The following RIPOR1 variants were observed in gnomAD, a reference collection of about 807,000 sequenced individuals.
RIPOR1 encodes rho family-interacting cell polarization regulator 1.
RIPOR1 carries 58 observed loss-of-function variants against 116.5 expected under a neutral mutation model. The observed-to-expected ratio is 0.50, with a 90% confidence interval of 0.40 to 0.62. The LOEUF (loss-of-function observed/expected upper bound fraction) is 0.62, where lower values mean the gene tolerates loss of function less well. RIPOR1 is among the 20% of genes least tolerant of loss of function. The pLI is 0.00. For synonymous variants in RIPOR1, 605 were observed against 650.0 expected (o/e 0.93, Z 1.05); for missense variants, 1,372 against 1,586.2 (o/e 0.86, Z 2.29).
rs1377396034 is a variant in RIPOR1 at position 67,540,449 on chromosome 16, C to T, written c.632-9C>T. 8 of 1,614,202 alleles carry T rather than the reference C, an allele frequency of 5.0e-6. No homozygotes were observed. Among genetic ancestry groups the T allele is most frequent in the Non-Finnish European group, 6.8e-6 (8 of 1,180,034 alleles). On this transcript the variant is annotated splice_polypyrimidine_tract_variant and intron_variant, in intron 8 of 21. Coordinates refer to ENST00000042381, the MANE Select transcript of RIPOR1 (RefSeq NM_024519.4). The surrounding 1 kb of genome is among the most constrained non-coding windows in gnomAD (Gnocchi z 4.7). ...GCTCACCGACTTCTCCCCTTCTCCT[C>T]CAACTCAGGGCTGGCTGGCTTCGCC...
chr16:67,522,700 G>A (rs1380348555), intron 1 of RIPOR1, among the ~76,000 whole-genome samples: 2 of 150,852 alleles, frequency 1.3e-5, no homozygotes, highest in Non-Finnish European at 3.0e-5. Context: ...TCCCTACCCC[G>A]CCCTCACCCC....
intron 1 of RIPOR1, among the ~76,000 whole-genome samples, chr16:67,523,684 CTTTT>C (rs374534111): frequency 0.12 from 17,775 of 144,890 alleles, 2,398 homozygotes; most frequent in African/African-American, 0.34. Context: ...TACCCTTAAA[CTTTT>C]TTTTTTTTTT....
chr16:67,546,413 G>A lies in RIPOR1; in HGVS notation c.3610G>A (p.Ala1204Thr), dbSNP rs746998397. ...AHRRLEESLD[A>T]LPRIFGPGSM... is the part of the protein sequence containing the mutation. ...TCGACGGCTGGAGGAGTCCCTGGAC[G>A]CCCTGCCCCGCATCTTTGGGCCTGG... The change falls in exon 22 of 22, where the codon GCC becomes ACC. Residue 1204 changes from alanine (A) to threonine (T), a missense_variant. Physicochemically the swap from Ala to Thr is moderately conservative, Grantham distance 58. Around this residue, in one of 3 missense-constraint regions of RIPOR1, gnomAD observed 1,005 missense variants for 1,144.7 expected, o/e 0.88. Coordinates refer to ENST00000042381, the MANE Select transcript of RIPOR1 (RefSeq NM_024519.4). The A allele has an allele frequency of 1.4e-5, 23 of 1,613,926 alleles. No individual in the cohort carries two copies. The highest frequency in any genetic ancestry group is 1.8e-5 in the Non-Finnish European group (21 of 1,180,042).
chr16:67,532,752 G>C (rs906555993), intron 1 of RIPOR1, among the ~76,000 whole-genome samples: 3 of 152,222 alleles, frequency 2.0e-5, no homozygotes, highest in African/African-American at 7.2e-5. Flanking sequence ...CCATAAGGCT[G>C]TTGCCAGGAT....
In RIPOR1 at chr16:67,540,505, T is replaced by A. The variant is rs75204333; in HGVS notation, c.675+4T>A. 3.1e-6 allele frequency: 5 copies of A among 1,614,044 alleles called. No homozygotes were observed. The South Asian group carries it at 4.4e-5, about 14-fold the overall frequency. Reference sequence around the variant, plus strand: ...GTGTGTAGGCGATCAGTATGAGGTATGAGAATGTGCAGGGAAGGGCTGGGT... The same window carrying A: ...GTGTGTAGGCGATCAGTATGAGGTAAGAGAATGTGCAGGGAAGGGCTGGGT... On this transcript the variant is annotated splice_donor_region_variant and intron_variant, in intron 9 of 21. Transcript: ENST00000042381. This position sits in a 1 kb window ranked among gnomAD's most constrained non-coding sequence, Gnocchi z 4.7.
intron 4 of RIPOR1, 148 bp downstream of exon 4, chr16:67,539,216 T>C (rs1014757802): frequency 5.9e-6 from 4 of 673,252 alleles, no homozygotes; most frequent in Non-Finnish European, 9.9e-6. Flanking sequence ...CTGAGGGGCT[T>C]TTCTATCCCC....
rs1597646573 is a variant in RIPOR1 at position 67,541,260 on chromosome 16, G to C, written c.802-170G>C. On this transcript the variant is annotated intron_variant, in intron 10 of 21. Transcript: ENST00000042381. This position sits in a 1 kb window ranked among gnomAD's most constrained non-coding sequence, Gnocchi z 4.6. Reference sequence around the variant, plus strand: ...TTTTTTTTTTTTTTTTTTTGAGACAGAGTCTTGCCATGTTGCCCAAGCTGG... The same window carrying C: ...TTTTTTTTTTTTTTTTTTTGAGACACAGTCTTGCCATGTTGCCCAAGCTGG... The C allele has an allele frequency of 1.9e-6, 1 of 522,720 alleles. No individual in the cohort carries two copies. Among genetic ancestry groups the C allele is most frequent in the East Asian group, 3.1e-5 (1 of 31,948 alleles). The allele number at this position is 522,720 out of a possible 1,614,324, so 32.4% of individuals were successfully genotyped here.
Position 67,542,390 on chromosome 16 carries a change from A to G in RIPOR1, c.1604A>G (p.Asp535Gly). Reference sequence around the variant, plus strand: ...CTAGACTCAGTTCATAAGTCCACAGACTCTGGCCCTTCAGAACTGCCAGGC... The same window carrying G: ...CTAGACTCAGTTCATAAGTCCACAGGCTCTGGCCCTTCAGAACTGCCAGGC... ...AHLDSVHKST[D>G]SGPSELPGPT... Residue 535 changes from aspartate to glycine, a missense_variant, in exon 13 of 22, where the codon GAC becomes GGC. By Grantham distance (94) the Asp-to-Gly change is moderately conservative (BLOSUM62 -1). Coordinates refer to ENST00000042381, the MANE Select transcript of RIPOR1 (RefSeq NM_024519.4). The surrounding 1 kb of genome is among the most constrained non-coding windows in gnomAD (Gnocchi z 4.6). The G allele has an allele frequency of 6.2e-7, 1 of 1,613,190 alleles. No individual in the cohort carries two copies. The highest frequency in any genetic ancestry group is 1.1e-5 in the South Asian group (1 of 91,034).
rs1243736030 is a variant in RIPOR1, at chr16:67,546,761, A to C, written c.*298A>C. 1 of 478,266 alleles carries C rather than the reference A, an allele frequency of 2.1e-6. No homozygotes were observed. The highest frequency in any genetic ancestry group is 2.5e-5 in the South Asian group (1 of 40,716). 29.6% of individuals were successfully genotyped at this position (478,266 alleles called of 1,614,324 possible). A position where few individuals can be genotyped will look rare whatever the true frequency, so the allele number is the denominator to read the frequency against. ...ATTTTATTTACAGAGTTTTACAGAA[A>C]ATAAAAAAGCAAAATGTCTTTCCTA... On this transcript the variant is annotated 3_prime_UTR_variant, in exon 22 of 22. Transcript: ENST00000042381.
chr16:67,538,162 C>G (rs931743248), intron 1 of RIPOR1: 10 of 382,996 alleles, frequency 2.6e-5, no homozygotes, highest in Non-Finnish European at 3.7e-5. Flanking sequence ...CGCGACCCCC[C>G]TTCCTGCCCC....
intron 4 of RIPOR1, 140 bp from the exon 5 acceptor site, chr16:67,539,588 G>A: frequency 9.8e-7 from 1 of 1,020,430 alleles, no homozygotes; most frequent in Admixed American, 1.7e-5. Flanking sequence ...AGACCAGCAG[G>A]AAGGGGCGTC....
At chr16:67,534,839 T>C (rs1039306592) in intron 1 of RIPOR1, among the ~76,000 whole-genome samples, 4 of 130,332 alleles carry the variant, frequency 3.1e-5, no homozygotes, top group Non-Finnish European at 4.9e-5. Flanking sequence ...TTTTTTCTTT[T>C]TTTTTTTTTT....
At position 67,545,650 on chromosome 16, in the gene RIPOR1, TC is replaced by T. The variant is rs774231100; in HGVS notation, c.3191-10del. ...CCACCTTGCCCACCCACCCACCATA[TC>T]CCCTTTTTTCAGTGCTACTGGTGCG... On this transcript the variant is annotated splice_polypyrimidine_tract_variant and intron_variant, in intron 18 of 21. Transcript: ENST00000042381. The surrounding 1 kb of genome is among the most constrained non-coding windows in gnomAD (Gnocchi z 4.8). 7 of 1,560,288 alleles carry T rather than the reference TC, an allele frequency of 4.5e-6. No homozygotes were observed. The highest frequency in any genetic ancestry group is 6.1e-6 in the Non-Finnish European group (7 of 1,149,992).
upstream of RIPOR1, among the ~76,000 whole-genome samples, chr16:67,526,588 A>G (rs942886448): frequency 1.3e-5 from 2 of 152,210 alleles, no homozygotes; most frequent in Admixed American, 1.3e-4. Context: ...TCATTCAACA[A>G]ATATTTCTTG....
chr16:67,540,344 G>A lies in RIPOR1; in HGVS notation c.612G>A (p.Glu204=), dbSNP rs1274597961. 4 of 1,614,184 alleles carry A rather than the reference G, an allele frequency of 2.5e-6. No individual in the cohort carries two copies. Among genetic ancestry groups the A allele is most frequent in the Non-Finnish European group, 3.4e-6 (4 of 1,180,026 alleles). ...LESELEAQLG[E]FHLRMKGLAG... ...GCGAGCTGGAGGCACAGCTGGGCGA[G>A]TTTCATCTCCGAATGAAAGGTACTG... Residue 204 remains glutamate, a synonymous_variant, in exon 8 of 22, where the codon GAG becomes GAA. Transcript: ENST00000042381. The surrounding 1 kb of genome is among the most constrained non-coding windows in gnomAD (Gnocchi z 4.7).
chr16:67,535,777 G>T (rs2050778304), intron 1 of RIPOR1, among the ~76,000 whole-genome samples: 1 of 152,192 alleles, frequency 6.6e-6, no homozygotes. Flanking sequence ...CCAAAGGCAG[G>T]TGATAAGGCT....
chr16:67,520,011 G>A (rs2050480539), intron 1 of RIPOR1, among the ~76,000 whole-genome samples: 4 of 144,252 alleles, frequency 2.8e-5, no homozygotes, highest in South Asian at 4.6e-4. Context: ...GCAGTGAGCC[G>A]AGATGGCGCC....
Position 67,540,011 on chromosome 16 carries a change from T to C in RIPOR1, c.415-42T>C. ...CCTTAGAGGTGAGTAACCCCAGAGG[T>C]GAGTCTCAGTCCCCCTACTGTCACC... is the stretch of plus-strand genomic sequence containing the variant. On this transcript the variant is annotated intron_variant, in intron 6 of 21. Coordinates refer to ENST00000042381, the MANE Select transcript of RIPOR1 (RefSeq NM_024519.4). This position sits in a 1 kb window ranked among gnomAD's most constrained non-coding sequence, Gnocchi z 4.7. The C allele has an allele frequency of 6.2e-7, 1 of 1,613,414 alleles. No individual in the cohort carries two copies. The highest frequency in any genetic ancestry group is 8.5e-7 in the Non-Finnish European group (1 of 1,179,712).
At position 67,540,138 on chromosome 16, in the gene RIPOR1, C is replaced by A. The variant is rs1272905879; in HGVS notation, c.500C>A (p.Ser167Tyr). The change falls in exon 7 of 22, where the codon TCC becomes TAC. Residue 167 changes from serine to tyrosine, a missense_variant. Physicochemically the swap from Ser to Tyr is moderately radical, Grantham distance 144. Transcript: ENST00000042381. The surrounding 1 kb of genome is among the most constrained non-coding windows in gnomAD (Gnocchi z 4.7). ...ATGGTCCGTGCCTACACCACTGGGT[C>A]CCCGGGAAGCCGAGAGGCCCGGGAC... ...YNMVRAYTTG[S>Y]PGSREARDSL... is the part of the protein sequence containing the mutation. The A allele has an allele frequency of 1.9e-6, 3 of 1,614,086 alleles. No homozygotes were observed. Among genetic ancestry groups the A allele is most frequent in the Admixed American group, 1.7e-5 (1 of 60,008 alleles).
Sources: gnomAD v4.1 joint callset for allele counts (sites outside exome capture counted in the v4.1 genomes callset) on GRCh38, gnomAD v4.1.1 for gene constraint, gnomAD v4.1.1 regional missense constraint, Gnocchi (gnomAD v3.1) non-coding constraint, MANE v1.5 for transcripts, NCBI Gene and HGNC (gene_info 2026-07-23, HGNC 2026-07-21) for gene names.